The following ELFN1 variants were observed in gnomAD, a reference collection of about 807,000 sequenced individuals.
ELFN1 encodes the protein protein ELFN1.
Under a neutral mutation model 7.6 loss-of-function variants are expected in ELFN1, and 6 were observed. The observed-to-expected ratio is 0.79, with a 90% CI of 0.43 to 1.56. The LOEUF is 1.56. Among genes scored for constraint, ELFN1 ranks in the 40% most tolerant of loss-of-function variants. ELFN1 has a pLI of 0.01. For synonymous variants in ELFN1, 657 were observed against 588.1 expected (o/e 1.12, Z -1.70); for missense variants, 1,169 against 1,232.2 (o/e 0.95, Z 0.77).
intron 2 of ELFN1, chr7:1,693,601 C>T (rs1252786232): frequency 6.4e-6 from 3 of 471,102 alleles, no homozygotes; most frequent in Non-Finnish European, 4.4e-6. Context: ...GGTCGGTGTA[C>T]ACCGCTGTGT....
At chr7:1,699,634 CCAT>C (rs1305547435) in intron 2 of ELFN1, among the ~76,000 whole-genome samples, 1 of 152,008 alleles carries the variant, frequency 6.6e-6, no homozygotes, top group African/African-American at 2.4e-5. Context: ...AAGCAAGACT[CCAT>C]CATAAATAAA....
At chr7:1,689,276 G>A (rs1194035085) in intron 2 of ELFN1, among the ~76,000 whole-genome samples, 1 of 152,250 alleles carries the variant, frequency 6.6e-6, no homozygotes, top group African/African-American at 2.4e-5. Flanking sequence ...GCTCACGCAT[G>A]TGTGTGCTTC....
intron 1 of ELFN1, among the ~76,000 whole-genome samples, chr7:1,681,221 C>T (rs1274728499): frequency 1.3e-5 from 2 of 152,124 alleles, no homozygotes; most frequent in Admixed American, 6.5e-5. Flanking sequence ...ATTGCTAGAC[C>T]GTTTTACTTA....
At chr7:1,694,534 C>T (rs956219350) in intron 2 of ELFN1, among the ~76,000 whole-genome samples, 1 of 152,188 alleles carries the variant, frequency 6.6e-6, no homozygotes, top group Non-Finnish European at 1.5e-5. Flanking sequence ...GAGCTCTGGT[C>T]CATCAGTCAC....
intron 2 of ELFN1, among the ~76,000 whole-genome samples, chr7:1,704,785 G>A (rs79848511): frequency 0.1 from 15,322 of 152,072 alleles, 811 homozygotes; most frequent in Middle Eastern, 0.14. Flanking sequence ...GAGTGGCAAC[G>A]TCACCTGTCT....
chr7:1,707,016 C>G (rs1371925032), intron 2 of ELFN1, among the ~76,000 whole-genome samples: 1 of 152,236 alleles, frequency 6.6e-6, no homozygotes, highest in Non-Finnish European at 1.5e-5. Flanking sequence ...AACACACGTA[C>G]ACGTGTACAC....
At chr7:1,677,805 C>T (rs759252030) in intron 1 of ELFN1, among the ~76,000 whole-genome samples, 1 of 151,860 alleles carries the variant, frequency 6.6e-6, no homozygotes, top group Non-Finnish European at 1.5e-5. Flanking sequence ...TTCAGTCGAG[C>T]GGATGGAGGC....
At position 1,746,539 on chromosome 7, in the gene ELFN1, G is replaced by A; in HGVS notation, c.1943G>A (p.Ser648Asn). 4 of 1,384,580 alleles carry A rather than the reference G, an allele frequency of 2.9e-6. No individual in the cohort carries two copies. In the South Asian group the frequency reaches 4.8e-5, roughly 17 times the overall value. The allele number at this position is 1,384,580 out of a possible 1,614,324, so 85.8% of individuals were successfully genotyped here. The change falls in exon 4 of 4, where the codon AGC (serine) becomes AAC (asparagine). Residue 648 changes from serine (S) to asparagine (N), a missense_variant. Physicochemically the swap from Ser to Asn is conservative, Grantham distance 46. Around this residue, in one of 2 missense-constraint regions of ELFN1, gnomAD observed 914 missense variants for 872.6 expected, o/e 1.05. Transcript: ENST00000424383. ...ASTSSSGSVR[S>N]PRAFRAEAVG... ...ACCTCGTCCAGCGGCTCCGTGCGCA[G>A]CCCCCGCGCCTTCCGAGCCGAGGCC...
chr7:1,706,421 C>CA (rs765908432), intron 2 of ELFN1, among the ~76,000 whole-genome samples: 7 of 143,418 alleles, frequency 4.9e-5, no homozygotes, highest in Non-Finnish European at 9.0e-5. Context: ...GACTCTGTCT[C>CA]AAAAAAACAA....
intron 3 of ELFN1, among the ~76,000 whole-genome samples, chr7:1,743,359 A>G (rs1198256892): frequency 2.6e-5 from 4 of 152,148 alleles, no homozygotes; most frequent in African/African-American, 9.7e-5. Flanking sequence ...CGGCTCCCCC[A>G]GGGACCTCGG....
chr7:1,706,087 C>G (rs1272870727), intron 2 of ELFN1, among the ~76,000 whole-genome samples: 1 of 152,208 alleles, frequency 6.6e-6, no homozygotes, highest in African/African-American at 2.4e-5. Flanking sequence ...CTCCTCCGAT[C>G]CACCGCGGAC....
At chr7:1,677,413 G>A (rs927491280) in intron 1 of ELFN1, among the ~76,000 whole-genome samples, 2 of 152,226 alleles carry the variant, frequency 1.3e-5, no homozygotes, top group African/African-American at 4.8e-5. Context: ...TTTGCGTGTG[G>A]CTCTGGGTGC....
chr7:1,728,418 G>T (rs1364951397), intron 3 of ELFN1, among the ~76,000 whole-genome samples: 9 of 152,262 alleles, frequency 5.9e-5, no homozygotes, highest in Middle Eastern at 3.2e-3. Flanking sequence ...GCTCTGAGAT[G>T]CGGAGGGTTT....
At chr7:1,737,597 A>G (rs1780485427) in intron 3 of ELFN1, among the ~76,000 whole-genome samples, 1 of 151,818 alleles carries the variant, frequency 6.6e-6, no homozygotes, top group African/African-American at 2.4e-5. Flanking sequence ...TCCACCTTCA[A>G]CGTTCCCTGA....
Position 1,745,955 on chromosome 7 carries a change from C to G in ELFN1, c.1359C>G (p.Ala453=). ...RRRQEEKHKK[A]ASAAAAGSLK... ...GCCAGGAGGAGAAGCACAAGAAGGC[C>G]GCCTCGGCAGCCGCAGCTGGCAGCC... Residue 453 remains alanine (A), a synonymous_variant, in exon 4 of 4, where the codon GCC becomes GCG. Coordinates refer to ENST00000424383, the MANE Select transcript of ELFN1 (RefSeq NM_001128636.4). The G allele has an allele frequency of 2.6e-6, 4 of 1,548,646 alleles. No individual in the cohort carries two copies. Among genetic ancestry groups the G allele is most frequent in the Non-Finnish European group, 3.5e-6 (4 of 1,146,208 alleles).
chr7:1,685,639 C>G (rs1779049179), intron 1 of ELFN1, among the ~76,000 whole-genome samples: 1 of 151,678 alleles, frequency 6.6e-6, no homozygotes, highest in African/African-American at 2.4e-5. Context: ...TCTAAATTTT[C>G]CATTTTTTAA....
intron 2 of ELFN1, chr7:1,693,382 G>T (rs759474853): frequency 4.2e-6 from 2 of 471,140 alleles, no homozygotes; most frequent in South Asian, 3.1e-5. Context: ...GGACAGCCGT[G>T]TACACACACT....
intron 3 of ELFN1, among the ~76,000 whole-genome samples, chr7:1,724,007 CAG>C (rs1048229130): frequency 1.3e-5 from 2 of 152,236 alleles, no homozygotes; most frequent in Admixed American, 1.3e-4. Flanking sequence ...TGGTTAGTCA[CAG>C]GGGCTATGGG....
intron 3 of ELFN1, among the ~76,000 whole-genome samples, chr7:1,736,156 A>G (rs1583392812): frequency 1.3e-5 from 2 of 152,210 alleles, no homozygotes; most frequent in African/African-American, 4.8e-5. Flanking sequence ...GGAGACAGAC[A>G]GGGCGAGAGC....
Sources: gnomAD v4.1 joint callset for allele counts (sites outside exome capture counted in the v4.1 genomes callset) on GRCh38, gnomAD v4.1.1 for gene constraint, gnomAD v4.1.1 regional missense constraint, MANE v1.5 for transcripts, NCBI Gene and HGNC (gene_info 2026-07-23, HGNC 2026-07-21) for gene names.